The following MRAP2 variants were observed in gnomAD, a reference collection of about 807,000 sequenced individuals.
MRAP2 encodes the protein melanocortin 2 receptor accessory protein 2.
A neutral mutation model predicts 17.4 loss-of-function variants in MRAP2; 20 were observed. That is an observed-to-expected ratio of 1.15 (90% confidence interval 0.81 to 1.67). The LOEUF (loss-of-function observed/expected upper bound fraction) is 1.67, where lower values mean the gene tolerates loss of function less well. Among genes scored for constraint, MRAP2 ranks in the 40% most tolerant of loss-of-function variants. The pLI, the probability that MRAP2 is intolerant of heterozygous loss-of-function variation, is 0.00. For missense variants in MRAP2, 238 were observed against 240.0 expected (o/e 0.99, Z 0.05); for synonymous variants, 96 against 88.4 (o/e 1.09, Z -0.48).
chr6:84,055,329 A>G lies in MRAP2; in HGVS notation c.11A>G (p.Gln4Arg). ...TTGTGCAGGTCGGAGATGTCCGCCCAGAGGTTAATTTCTAACAGAACCTCC... is the reference window on the plus strand; with the variant it reads ...TTGTGCAGGTCGGAGATGTCCGCCCGGAGGTTAATTTCTAACAGAACCTCC... MSA[Q>R]RLISNRTSQQ... The change falls in exon 2 of 4, where the codon CAG (glutamine) becomes CGG (arginine). Residue 4 changes from glutamine to arginine, a missense_variant. By Grantham distance (43) the Gln-to-Arg change is conservative (BLOSUM62 1). Coordinates refer to ENST00000257776, the MANE Select transcript of MRAP2 (RefSeq NM_138409.4). 3.7e-6 allele frequency: 6 copies of G among 1,613,430 alleles called. No individual in the cohort carries two copies. The highest frequency in any genetic ancestry group is 5.1e-6 in the Non-Finnish European group (6 of 1,179,890).
chr6:84,135,263 T>C, the MRAP2 span, among the ~76,000 whole-genome samples: 5 of 152,302 alleles, frequency 3.3e-5, no homozygotes, highest in South Asian at 6.2e-4. Flanking sequence ...TAAAAGCATA[T>C]ATTCTTTAAT....
chr6:84,110,107 G>GT, the MRAP2 span, among the ~76,000 whole-genome samples: 2 of 152,114 alleles, frequency 1.3e-5, no homozygotes, highest in Non-Finnish European at 2.9e-5. Flanking sequence ...AATCCTTTGG[G>GT]TATATACCCA....
the MRAP2 span, among the ~76,000 whole-genome samples, chr6:84,104,249 G>T: frequency 2.6e-5 from 4 of 152,154 alleles, no homozygotes; most frequent in Admixed American, 6.5e-5. Context: ...TCCCTAGGCT[G>T]CACACAGCAC....
rs1426041676 is a variant in MRAP2 at position 84,064,578 on chromosome 6, C to T, written c.227+1586C>T. ...TCTTGGCTCACTGCAAGCTCCGCCTCCCGGGTTCACGCCATTCTCCTGCCT... is the reference window on the plus strand; with the variant it reads ...TCTTGGCTCACTGCAAGCTCCGCCTTCCGGGTTCACGCCATTCTCCTGCCT... On this transcript the variant is annotated intron_variant, in intron 3 of 3. Coordinates refer to ENST00000257776, the MANE Select transcript of MRAP2 (RefSeq NM_138409.4). Among the ~76,000 whole-genome samples, 3 of 152,102 alleles carry T rather than the reference C, an allele frequency of 2.0e-5. No homozygotes were observed. In the East Asian group the frequency reaches 5.8e-4, roughly 29 times the overall value.
chr6:84,058,419 T>A (rs1226072574), intron 2 of MRAP2, among the ~76,000 whole-genome samples: 7 of 152,206 alleles, frequency 4.6e-5, no homozygotes, highest in African/African-American at 7.2e-5. Flanking sequence ...CCTGAGTAAC[T>A]GGCAGGATGG....
the MRAP2 span, among the ~76,000 whole-genome samples, chr6:84,125,960 A>G: frequency 2.0e-5 from 3 of 152,164 alleles, no homozygotes; most frequent in African/African-American, 7.2e-5. Context: ...TTTAACTTCT[A>G]TTAATTTATC....
At chr6:84,058,484 A>G (rs531789057) in intron 2 of MRAP2, among the ~76,000 whole-genome samples, 37 of 152,258 alleles carry the variant, frequency 2.4e-4, no homozygotes, top group African/African-American at 6.7e-4. Flanking sequence ...TTCAGAGAGG[A>G]ACCCCAGGAG....
At chr6:84,132,228 C>T in the MRAP2 span, among the ~76,000 whole-genome samples, 2 of 152,236 alleles carry the variant, frequency 1.3e-5, no homozygotes, top group Non-Finnish European at 2.9e-5. Flanking sequence ...GTCTGATGGG[C>T]TTCCCTTTGT....
chr6:84,145,744 CAG>C, the MRAP2 span, among the ~76,000 whole-genome samples: 13 of 152,184 alleles, frequency 8.5e-5, no homozygotes, highest in East Asian at 5.8e-4. Context: ...ATATAAACTG[CAG>C]AGAGTCACCA....
chr6:84,086,766 C>T (rs1445173297), intron 3 of MRAP2, among the ~76,000 whole-genome samples: 1 of 152,132 alleles, frequency 6.6e-6, no homozygotes, highest in Non-Finnish European at 1.5e-5. Context: ...GCTTTAATGT[C>T]CACTGCCTTG....
chr6:84,069,653 G>A (rs1204037655), intron 3 of MRAP2, among the ~76,000 whole-genome samples: 2 of 152,140 alleles, frequency 1.3e-5, no homozygotes, highest in African/African-American at 4.8e-5. Flanking sequence ...TTGTGGAATA[G>A]TGTCAAAAGG....
At chr6:84,063,415 G>A (rs2099493691) in intron 3 of MRAP2, 1 of 985,132 alleles carries the variant, frequency 1.0e-6, no homozygotes, top group Non-Finnish European at 1.2e-6. Flanking sequence ...AGTAATAGTT[G>A]TTCCTGGATA....
At chr6:84,112,696 G>T in the MRAP2 span, among the ~76,000 whole-genome samples, 3 of 152,068 alleles carry the variant, frequency 2.0e-5, no homozygotes, top group Non-Finnish European at 2.9e-5. Flanking sequence ...TGATGTTAGG[G>T]TGTTGATTTT....
chr6:84,127,407 A>G, the MRAP2 span, among the ~76,000 whole-genome samples: 4 of 152,150 alleles, frequency 2.6e-5, no homozygotes. Context: ...GAGGCAATCT[A>G]TTTTAAATGT....
chr6:84,055,874 A>G (rs1365329870), intron 2 of MRAP2, among the ~76,000 whole-genome samples: 1 of 152,208 alleles, frequency 6.6e-6, no homozygotes, highest in Non-Finnish European at 1.5e-5. Context: ...TGTGGAGAGC[A>G]GTGTATCCAT....
At chr6:84,034,542 C>T (rs1405461405) in intron 1 of MRAP2, among the ~76,000 whole-genome samples, 1 of 146,300 alleles carries the variant, frequency 6.8e-6, no homozygotes, top group Non-Finnish European at 1.5e-5. Context: ...CTTTCCCATC[C>T]TTTCTGTGTA....
At chr6:84,142,556 C>T in the MRAP2 span, among the ~76,000 whole-genome samples, 19 of 152,222 alleles carry the variant, frequency 1.2e-4, no homozygotes, top group Middle Eastern at 0.01. Flanking sequence ...AGTATAGAAA[C>T]TAACCCAAAT....
chr6:84,109,527 A>G, the MRAP2 span, among the ~76,000 whole-genome samples: 1 of 152,052 alleles, frequency 6.6e-6, no homozygotes, highest in Non-Finnish European at 1.5e-5. Flanking sequence ...GATTTTGTAT[A>G]CCGAAGTTGC....
At chr6:84,122,082 C>G in the MRAP2 span, among the ~76,000 whole-genome samples, 1 of 151,756 alleles carries the variant, frequency 6.6e-6, no homozygotes. Context: ...AAACATCTTC[C>G]AAAACAACAA....
Sources: allele counts gnomAD v4.1 joint callset (sites outside exome capture counted in the v4.1 genomes callset), GRCh38; gene constraint gnomAD v4.1.1; transcripts MANE v1.5; gene names NCBI Gene and HGNC (gene_info 2026-07-23, HGNC 2026-07-21).